CHURC1: variants seen among roughly 807,000 people sequenced by gnomAD.
CHURC1 encodes protein Churchill.
In CHURC1, 12 loss-of-function variants were observed where a neutral mutation model predicts 15.4. The observed-to-expected ratio is 0.78, with a 90% CI of 0.50 to 1.27. The LOEUF (loss-of-function observed/expected upper bound fraction) is 1.27. CHURC1 is among the 50% of genes most tolerant of loss of function. The probability of loss-of-function intolerance (pLI) is 0.00; values close to 1 mark genes in which losing one functional copy is unlikely to be tolerated. For missense variants in CHURC1, 132 were observed against 137.8 expected (o/e 0.96, Z 0.21); for synonymous variants, 42 against 47.5 (o/e 0.88, Z 0.48).
chr14:64,934,392 T>C lies in CHURC1; in HGVS notation c.*2162T>C. On this transcript the variant is annotated 3_prime_UTR_variant, in exon 4 of 4. Transcript: ENST00000549115. Reference sequence around the variant, plus strand: ...AACAACAACAAAAAAAGAAGTTAAATAACTTGTTTAAGATCACACAGCTAG... The same window carrying C: ...AACAACAACAAAAAAAGAAGTTAAACAACTTGTTTAAGATCACACAGCTAG... The C allele has an allele frequency of 1.0e-6, 1 of 970,822 alleles. No individual in the cohort carries two copies. Among genetic ancestry groups the C allele is most frequent in the Non-Finnish European group, 1.2e-6 (1 of 816,678 alleles). 60.1% of individuals were successfully genotyped at this position (970,822 alleles called of 1,614,324 possible).
chr14:64,929,737 C>A (rs747356188), intron 3 of CHURC1, among the ~76,000 whole-genome samples: 22 of 152,130 alleles, frequency 1.4e-4, no homozygotes, highest in African/African-American at 3.4e-4. Flanking sequence ...GTATCACTAC[C>A]TCTTTAAATA....
At chr14:64,923,967 A>G in intron 1 of CHURC1, 24 bp from the exon 2 acceptor site, 1 of 1,491,514 alleles carries the variant, frequency 6.7e-7, no homozygotes, top group Non-Finnish European at 9.0e-7. Context: ...TAAAGAAATT[A>G]AATTCCTGTT....
In CHURC1 at chr14:64,929,914, TA is replaced by T. The variant is rs200406226; in HGVS notation, c.247-2214del. Among the ~76,000 whole-genome samples, 25 of 143,728 alleles carry T rather than the reference TA, an allele frequency of 1.7e-4. 2 individuals are homozygous for T. Among genetic ancestry groups the T allele is most frequent in the African/African-American group, 3.4e-4 (13 of 38,076 alleles). 94.3% of individuals were successfully genotyped at this position (143,728 alleles called of 152,430 possible). ...TAAATTATTATAGGTATCCTTTATT[TA>T]AAAAAAAAACCCTCCTAGCAAAAGC... On this transcript the variant is annotated intron_variant, in intron 3 of 3. Transcript: ENST00000549115.
At position 64,934,560 on chromosome 14, in the gene CHURC1, T is replaced by C. The variant is rs1885239891; in HGVS notation, c.*2330T>C. 19 of 985,340 alleles carry C rather than the reference T, an allele frequency of 1.9e-5. No homozygotes were observed. Among genetic ancestry groups the C allele is most frequent in the Admixed American group, 6.1e-5 (1 of 16,268 alleles). The allele number at this position is 985,340 out of a possible 1,614,324, so 61.0% of individuals were successfully genotyped here. A position where few individuals can be genotyped will look rare whatever the true frequency, so the allele number is the denominator to read the frequency against. On this transcript the variant is annotated 3_prime_UTR_variant, in exon 4 of 4. Transcript: ENST00000549115. ...ATGAAGATTTATTATTCAGAAAAGT[T>C]AAGTCAGCTGTTGCAGGGATCAGTT...
intron 3 of CHURC1, among the ~76,000 whole-genome samples, chr14:64,927,040 A>G (rs2139905568): frequency 6.6e-6 from 1 of 152,340 alleles, no homozygotes; most frequent in African/African-American, 2.4e-5. Context: ...ATATCAGGCT[A>G]GAGCTTTTAA....
intron 1 of CHURC1, among the ~76,000 whole-genome samples, chr14:64,916,552 A>G (rs1883892745): frequency 6.6e-6 from 1 of 152,064 alleles, no homozygotes; most frequent in Non-Finnish European, 1.5e-5. Context: ...AGAGAATATT[A>G]AAGAGATTAG....
intron 1 of CHURC1, among the ~76,000 whole-genome samples, chr14:64,920,562 C>G (rs1884209753): frequency 6.6e-6 from 1 of 152,176 alleles, no homozygotes; most frequent in African/African-American, 2.4e-5. Context: ...ATATACTGTA[C>G]TTGTATTTTG....
intron 1 of CHURC1, among the ~76,000 whole-genome samples, chr14:64,919,894 A>C (rs1443036605): frequency 3.3e-5 from 5 of 151,888 alleles, no homozygotes; most frequent in African/African-American, 1.2e-4. Context: ...AAAAAGAAAA[A>C]AAAAGAAAAA....
At chr14:64,929,749 T>G (rs1321971143) in intron 3 of CHURC1, among the ~76,000 whole-genome samples, 1 of 152,186 alleles carries the variant, frequency 6.6e-6, no homozygotes, top group African/African-American at 2.4e-5. Flanking sequence ...CTTTAAATAC[T>G]TCATTAGTCT....
At chr14:64,928,861 T>G in intron 3 of CHURC1, among the ~76,000 whole-genome samples, 1 of 152,228 alleles carries the variant, frequency 6.6e-6, no homozygotes, top group Non-Finnish European at 1.5e-5. Context: ...GAAGTGATAC[T>G]CCTCAGCTTT....
At chr14:64,916,384 TCTACAG>T (rs1473316387) in intron 1 of CHURC1, among the ~76,000 whole-genome samples, 1 of 152,196 alleles carries the variant, frequency 6.6e-6, no homozygotes, top group African/African-American at 2.4e-5. Flanking sequence ...GGGTGGTGGT[TCTACAG>T]ATGTACACTT....
At chr14:64,921,591 A>G (rs992741632) in intron 1 of CHURC1, among the ~76,000 whole-genome samples, 1 of 152,230 alleles carries the variant, frequency 6.6e-6, no homozygotes, top group Non-Finnish European at 1.5e-5. Context: ...CAAGGAAACA[A>G]AAGTTAAAAC....
At chr14:64,916,567 G>A (rs1289193356) in intron 1 of CHURC1, among the ~76,000 whole-genome samples, 1 of 152,012 alleles carries the variant, frequency 6.6e-6, no homozygotes, top group African/African-American at 2.4e-5. Context: ...GATTAGGTTG[G>A]ATTCTTTTTT....
Position 64,935,092 on chromosome 14 carries a change from C to A in CHURC1, c.*2862C>A, listed in dbSNP as rs1036011676. 8.2e-6 allele frequency: 5 copies of A among 607,178 alleles called. No homozygotes were observed. Among genetic ancestry groups the A allele is most frequent in the Admixed American group, 6.4e-5 (1 of 15,746 alleles). 37.6% of individuals were successfully genotyped at this position (607,178 alleles called of 1,614,324 possible). A position where few individuals can be genotyped will look rare whatever the true frequency, so the allele number is the denominator to read the frequency against. On this transcript the variant is annotated 3_prime_UTR_variant, in exon 4 of 4. Coordinates refer to ENST00000549115, the MANE Select transcript of CHURC1 (RefSeq NM_001386928.1). ...AGTAAACTATCGCAAGGACAAAAAA[C>A]CAAACACCACATGTTCTCACTCATA... is the stretch of plus-strand genomic sequence containing the variant.
intron 1 of CHURC1, among the ~76,000 whole-genome samples, chr14:64,916,111 C>T (rs1883865093): frequency 6.6e-6 from 1 of 152,138 alleles, no homozygotes; most frequent in African/African-American, 2.4e-5. Flanking sequence ...TGAATTATAG[C>T]CGTGAAACCA....
intron 1 of CHURC1, among the ~76,000 whole-genome samples, chr14:64,916,221 C>T (rs1020921728): frequency 1.6e-4 from 24 of 152,154 alleles, no homozygotes; most frequent in African/African-American, 5.8e-4. Flanking sequence ...ATATATTATT[C>T]AAGGATGTAC....
Position 64,934,312 on chromosome 14 carries a change from C to T in CHURC1, c.*2082C>T. Reference sequence around the variant, plus strand: ...GTGATGAGCCAAGGTCATGCCACTGCACTCCAGCCTGGGAGACAGAGCAAG... The same window carrying T: ...GTGATGAGCCAAGGTCATGCCACTGTACTCCAGCCTGGGAGACAGAGCAAG... On this transcript the variant is annotated 3_prime_UTR_variant, in exon 4 of 4. Transcript: ENST00000549115. 1 of 556,428 alleles carries T rather than the reference C, an allele frequency of 1.8e-6. No individual in the cohort carries two copies. Among genetic ancestry groups the T allele is most frequent in the Non-Finnish European group, 2.3e-6 (1 of 438,008 alleles). The allele number at this position is 556,428 out of a possible 1,614,324, so 34.5% of individuals were successfully genotyped here.
At chr14:64,921,556 A>C (rs1884298277) in intron 1 of CHURC1, among the ~76,000 whole-genome samples, 1 of 152,216 alleles carries the variant, frequency 6.6e-6, no homozygotes, top group East Asian at 1.9e-4. Flanking sequence ...AGCACCATGA[A>C]AAGATGCTCA....
intron 3 of CHURC1, among the ~76,000 whole-genome samples, chr14:64,927,019 A>G (rs868152126): frequency 4.6e-5 from 7 of 152,208 alleles, no homozygotes; most frequent in African/African-American, 1.7e-4. Flanking sequence ...ATATTTGTCC[A>G]TAGGATATAA....
Sources: gnomAD v4.1 joint callset for allele counts (sites outside exome capture counted in the v4.1 genomes callset) on GRCh38, gnomAD v4.1.1 for gene constraint, MANE v1.5 for transcripts, NCBI Gene and HGNC (gene_info 2026-07-23, HGNC 2026-07-21) for gene names.